MECOM: variants seen among roughly 807,000 people sequenced by gnomAD.
MECOM encodes MDS1 and EVI1 complex locus.
In MECOM, 13 loss-of-function variants were observed where a neutral mutation model predicts 116.3. The ratio of observed to expected loss-of-function variants is 0.11; its 90% CI spans 0.07 to 0.18. The LOEUF (loss-of-function observed/expected upper bound fraction) is 0.18, where lower values mean the gene tolerates loss of function less well. MECOM is among the 10% of genes least tolerant of loss of function. The pLI, the probability that MECOM is intolerant of heterozygous loss-of-function variation, is 1.00. For missense variants in MECOM, 1,299 were observed against 1,509.0 expected (o/e 0.86, Z 2.31); for synonymous variants, 528 against 535.2 (o/e 0.99, Z 0.19).
chr3:169,248,963 A>G (rs1369763395), intron 2 of MECOM, among the ~76,000 whole-genome samples: 2 of 152,114 alleles, frequency 1.3e-5, no homozygotes, highest in Admixed American at 1.3e-4. Context: ...CAGCCCTAGT[A>G]AACTATTACA....
At chr3:169,624,190 T>G (rs1270794999) in intron 1 of MECOM, among the ~76,000 whole-genome samples, 5 of 152,202 alleles carry the variant, frequency 3.3e-5, no homozygotes, top group Non-Finnish European at 7.3e-5. Context: ...ACTTAACACC[T>G]TTGTCAATAG....
At chr3:169,646,426 A>T (rs939798421) in intron 1 of MECOM, among the ~76,000 whole-genome samples, 1 of 152,110 alleles carries the variant, frequency 6.6e-6, no homozygotes, top group African/African-American at 2.4e-5. Context: ...ACAAAACTGC[A>T]CGTTGTGCAC....
intron 3 of MECOM, among the ~76,000 whole-genome samples, chr3:169,138,845 G>T (rs1263421387): frequency 1.3e-5 from 2 of 152,006 alleles, no homozygotes; most frequent in East Asian, 3.9e-4. Context: ...GCAGGAAAGT[G>T]GATTTTTTTT....
chr3:169,117,715 T>C (rs1729614647), intron 7 of MECOM, among the ~76,000 whole-genome samples: 1 of 152,296 alleles, frequency 6.6e-6, no homozygotes, highest in East Asian at 1.9e-4. Flanking sequence ...TGCTAAGAAT[T>C]TGTCAATAAA....
intron 1 of MECOM, among the ~76,000 whole-genome samples, chr3:169,654,026 T>C (rs528855864): frequency 5.3e-5 from 8 of 152,352 alleles, no homozygotes; most frequent in Non-Finnish European, 1.5e-5. Flanking sequence ...ATAATGCTTA[T>C]ATGCATGGTT....
At chr3:169,300,569 C>T (rs1269832689) in intron 2 of MECOM, among the ~76,000 whole-genome samples, 2 of 152,174 alleles carry the variant, frequency 1.3e-5, no homozygotes, top group East Asian at 3.9e-4. Context: ...ATGAACAAGT[C>T]TAATCATGGT....
intron 1 of MECOM, among the ~76,000 whole-genome samples, chr3:169,485,875 G>GTATATA (rs112845871): frequency 7.9e-6 from 1 of 126,160 alleles, no homozygotes; most frequent in Non-Finnish European, 1.6e-5. Flanking sequence ...TAGTATATAT[G>GTATATA]TATATATATG....
chr3:169,292,817 G>A (rs1206440745), intron 2 of MECOM, among the ~76,000 whole-genome samples: 5 of 152,178 alleles, frequency 3.3e-5, no homozygotes, highest in African/African-American at 1.2e-4. Flanking sequence ...GCCTCCCAGG[G>A]AATGGAAAAA....
intron 2 of MECOM, among the ~76,000 whole-genome samples, chr3:169,268,914 G>A (rs1366523414): frequency 6.6e-6 from 1 of 152,080 alleles, no homozygotes; most frequent in Non-Finnish European, 1.5e-5. Flanking sequence ...AGGGGTGGGC[G>A]GAAGACACAC....
chr3:169,507,136 G>A (rs1432029921), intron 1 of MECOM, among the ~76,000 whole-genome samples: 2 of 152,044 alleles, frequency 1.3e-5, no homozygotes, highest in African/African-American at 4.8e-5. Flanking sequence ...CTATACATTG[G>A]GTGTTAGCAC....
At chr3:169,412,299 A>T (rs918028952) in intron 1 of MECOM, among the ~76,000 whole-genome samples, 1 of 150,048 alleles carries the variant, frequency 6.7e-6, no homozygotes, top group East Asian at 1.9e-4. Flanking sequence ...AAAAAAAAAA[A>T]GGAATAAATA....
chr3:169,259,189 C>T (rs997238680), intron 2 of MECOM, among the ~76,000 whole-genome samples: 1 of 151,960 alleles, frequency 6.6e-6, no homozygotes, highest in Non-Finnish European at 1.5e-5. Flanking sequence ...GAAAAAGGGC[C>T]CAATTTTTTT....
rs1384726653 is a variant in MECOM, at chr3:169,143,001, CAT to C, written c.510+695_510+696del. On this transcript the variant is annotated intron_variant, in intron 3 of 16. Coordinates refer to ENST00000651503, the MANE Select transcript of MECOM (RefSeq NM_004991.4). ...AATTTCTTGTTATTTTAGGTATTGT[CAT>C]ATGATATTACAAGATTCATAACCTA... is the stretch of plus-strand genomic sequence containing the variant. 4.0e-5 allele frequency among the ~76,000 whole-genome samples: 6 copies of C among 151,838 alleles called. No homozygotes were observed. The East Asian group carries it at 1.2e-3, about 29-fold the overall frequency.
In MECOM at chr3:169,164,248, C is replaced by G. The variant is rs189753362; in HGVS notation, c.376-20416G>C. ...TCCTCATGACAGTGAATGAGTTTCA[C>G]GAGATCTGATAGTTTTTAAAACAGG... On this transcript the variant is annotated intron_variant, in intron 2 of 16. Transcript: ENST00000651503. Among the ~76,000 whole-genome samples the G allele has an allele frequency of 8.3e-4, 127 of 152,148 alleles. 1 individual carries two copies. Among genetic ancestry groups the G allele is most frequent in the African/African-American group, 2.9e-3 (120 of 41,522 alleles).
intron 1 of MECOM, among the ~76,000 whole-genome samples, chr3:169,472,647 GGAAAA>G (rs1195850599): frequency 6.0e-5 from 3 of 50,084 alleles, no homozygotes; most frequent in East Asian, 3.8e-4. Context: ...GGAAAGGAAA[GGAAAA>G]GAAAAGAAAG....
chr3:169,347,370 T>C (rs1313217141), intron 2 of MECOM, among the ~76,000 whole-genome samples: 1 of 152,020 alleles, frequency 6.6e-6, no homozygotes, highest in South Asian at 2.1e-4. Flanking sequence ...TAGGTACACA[T>C]TTGAAAGAAA....
chr3:169,565,761 G>T (rs183761989), intron 1 of MECOM, among the ~76,000 whole-genome samples: 3 of 152,278 alleles, frequency 2.0e-5, no homozygotes, highest in Admixed American at 2.0e-4. Context: ...GTTTGAATCT[G>T]CCTAGAGTGT....
chr3:169,273,918 T>TTC (rs1250986735), intron 2 of MECOM, among the ~76,000 whole-genome samples: 1 of 150,004 alleles, frequency 6.7e-6, no homozygotes, highest in African/African-American at 2.5e-5. Flanking sequence ...GCTTTTTTTT[T>TTC]TTTTTTTTTT....
chr3:169,516,565 G>A (rs760142405), intron 1 of MECOM, among the ~76,000 whole-genome samples: 21 of 151,920 alleles, frequency 1.4e-4, no homozygotes, highest in East Asian at 1.9e-4. Flanking sequence ...TGTGCAAAGC[G>A]TGCATTCTCT....
Sources: gnomAD v4.1 joint callset for allele counts (sites outside exome capture counted in the v4.1 genomes callset) on GRCh38, gnomAD v4.1.1 for gene constraint, MANE v1.5 for transcripts, NCBI Gene and HGNC (gene_info 2026-07-23, HGNC 2026-07-21) for gene names.